The following APOM variants were observed in gnomAD, a reference collection of about 807,000 sequenced individuals.
APOM encodes the protein apolipoprotein M.
Under a neutral mutation model 23.5 loss-of-function variants are expected in APOM, and 24 were observed. That is an observed-to-expected ratio of 1.02 (90% CI 0.74 to 1.44). The LOEUF is 1.44. Among genes scored for constraint, APOM ranks in the 40% most tolerant of loss-of-function variants. The pLI, the probability that APOM is intolerant of heterozygous loss-of-function variation, is 0.00. For synonymous variants in APOM, 82 were observed against 84.1 expected (o/e 0.97, Z 0.14); for missense variants, 200 against 233.2 (o/e 0.86, Z 0.93).
upstream of APOM, among the ~76,000 whole-genome samples, chr6:31,654,571 G>A (rs74890500): frequency 0.018 from 2,769 of 152,196 alleles, 60 homozygotes; most frequent in African/African-American, 0.05. Context: ...CCTCCTACTC[G>A]GGAATCATCT....
chr6:31,653,013 T>TA (rs1798944455), upstream of APOM, among the ~76,000 whole-genome samples: 1 of 152,018 alleles, frequency 6.6e-6, no homozygotes, highest in East Asian at 1.9e-4. Flanking sequence ...TCAGTAGGCG[T>TA]TTGGGGGCGG....
rs1334323968 is a variant in APOM, at chr6:31,655,914, T to G, written c.-53T>G. ...AAAGCAGAGTGGACTGAGCAGCCAGTAGGGGAGAGAGCAGTTAAGGCACAC... is the reference window on the plus strand; with the variant it reads ...AAAGCAGAGTGGACTGAGCAGCCAGGAGGGGAGAGAGCAGTTAAGGCACAC... On this transcript the variant is annotated 5_prime_UTR_variant, in exon 1 of 6. Coordinates refer to ENST00000375916, the MANE Select transcript of APOM (RefSeq NM_019101.3). The G allele has an allele frequency of 4.0e-6, 5 of 1,255,234 alleles. No individual in the cohort carries two copies. In the South Asian group the frequency reaches 5.1e-5, roughly 13 times the overall value. The allele number at this position is 1,255,234 out of a possible 1,614,324, so 77.8% of individuals were successfully genotyped here.
At chr6:31,653,260 G>A (rs1673058125), upstream of APOM, among the ~76,000 whole-genome samples, 1 of 152,194 alleles carries the variant, frequency 6.6e-6, no homozygotes, top group Non-Finnish European at 1.5e-5. Flanking sequence ...GACCCTGACC[G>A]TGGGGAATTT....
At chr6:31,656,152 G>A in intron 1 of APOM, 72 bp downstream of exon 1, 1 of 1,223,760 alleles carries the variant, frequency 8.2e-7, no homozygotes, top group Non-Finnish European at 1.2e-6. Flanking sequence ...TAGGATGACT[G>A]GAGACCATCT....
intron 4 of APOM, 58 bp downstream of exon 4, chr6:31,657,536 T>C: frequency 6.2e-7 from 1 of 1,604,320 alleles, no homozygotes; most frequent in Non-Finnish European, 8.5e-7. Flanking sequence ...GCAGGAGAAC[T>C]CCTCACTCTG....
Position 31,657,208 on chromosome 6 carries a change from C to T in APOM, c.270-17C>T, listed in dbSNP as rs1800189931. 4.3e-6 allele frequency: 7 copies of T among 1,611,848 alleles called. No individual in the cohort carries two copies. Among genetic ancestry groups the T allele is most frequent in the Non-Finnish European group, 5.9e-6 (7 of 1,179,114 alleles). On this transcript the variant is annotated splice_polypyrimidine_tract_variant and intron_variant, in intron 2 of 5. Transcript: ENST00000375916. ...GTGATGCTCATTCTTTCCTCCTTGC[C>T]ACCACCACCTCTGCAGGAAAGATGG...
chr6:31,655,670 G>A (rs1226118285), upstream of APOM: 1 of 325,414 alleles, frequency 3.1e-6, no homozygotes, highest in African/African-American at 2.1e-5. Flanking sequence ...AACCAGCTCA[G>A]ATACAGGTTC....
At position 31,656,065 on chromosome 6, in the gene APOM, C is replaced by T. The variant is rs535853455; in HGVS notation, c.99C>T (p.Gly33=). 25 of 1,570,054 alleles carry T rather than the reference C, an allele frequency of 1.6e-5. No homozygotes were observed. The highest frequency in any genetic ancestry group is 1.3e-4 in the South Asian group (11 of 85,694). The change falls in exon 1 of 6, where the codon GGC becomes GGT. Residue 33 remains glycine (G), a synonymous_variant. Coordinates refer to ENST00000375916, the MANE Select transcript of APOM (RefSeq NM_019101.3). ...CPEHSQLTTL[G]VDGKEFPEVH... Reference sequence around the variant, plus strand: ...AGCACAGTCAACTGACAACTCTGGGCGTGGATGGGAAGGAGGTATGGACTG... The same window carrying T: ...AGCACAGTCAACTGACAACTCTGGGTGTGGATGGGAAGGAGGTATGGACTG...
chr6:31,657,180 G>A, intron 2 of APOM, 45 bp from the exon 3 acceptor site: 1 of 1,556,452 alleles, frequency 6.4e-7, no homozygotes, highest in Non-Finnish European at 8.8e-7. Flanking sequence ...CACTATGGTT[G>A]GGGTGATGCT....
intron 2 of APOM, among the ~76,000 whole-genome samples, 171 bp downstream of exon 2, chr6:31,656,797 G>C (rs937982727): frequency 6.6e-6 from 1 of 152,132 alleles, no homozygotes; most frequent in Non-Finnish European, 1.5e-5. Flanking sequence ...CCAATGCTTG[G>C]TAGCTTGAAA....
At chr6:31,657,954 C>G in intron 5 of APOM, 110 bp from the exon 6 acceptor site, 2 of 1,222,166 alleles carry the variant, frequency 1.6e-6, no homozygotes, top group Non-Finnish European at 2.4e-6. Flanking sequence ...AGAGACTCCC[C>G]TTTGACACAG....
intron 2 of APOM, 112 bp downstream of exon 2, chr6:31,656,738 C>T (rs1210417490): frequency 6.7e-6 from 9 of 1,346,708 alleles, no homozygotes; most frequent in Admixed American, 2.4e-5. Context: ...GCTTGGCCCA[C>T]GGAATTCAGT....
upstream of APOM, among the ~76,000 whole-genome samples, chr6:31,655,135 T>C (rs1360097445): frequency 6.6e-6 from 1 of 152,170 alleles, no homozygotes; most frequent in African/African-American, 2.4e-5. Flanking sequence ...GAGACAGAGT[T>C]TTGCCATGTA....
At chr6:31,653,685 T>A (rs1799365489), upstream of APOM, among the ~76,000 whole-genome samples, 1 of 152,118 alleles carries the variant, frequency 6.6e-6, no homozygotes, top group Non-Finnish European at 1.5e-5. Context: ...TGTTAACATT[T>A]TAGCTTATTT....
chr6:31,656,318 T>G (rs1316291946), intron 1 of APOM, among the ~76,000 whole-genome samples, 154 bp from the exon 2 acceptor site: 1 of 152,034 alleles, frequency 6.6e-6, no homozygotes, highest in East Asian at 1.9e-4. Flanking sequence ...GAAAAGTCAT[T>G]TAATGACTCT....
chr6:31,653,467 T>G (rs988667614), upstream of APOM, among the ~76,000 whole-genome samples: 2 of 152,238 alleles, frequency 1.3e-5, no homozygotes, highest in Non-Finnish European at 2.9e-5. Flanking sequence ...TATATTTTAG[T>G]TAAGAGTTCT....
rs1799991151 is a variant in APOM at position 31,655,919 on chromosome 6, G to A, written c.-48G>A. ...AGAGTGGACTGAGCAGCCAGTAGGGGAGAGAGCAGTTAAGGCACACAGAGC... is the reference window on the plus strand; with the variant it reads ...AGAGTGGACTGAGCAGCCAGTAGGGAAGAGAGCAGTTAAGGCACACAGAGC... On this transcript the variant is annotated 5_prime_UTR_variant, in exon 1 of 6. Transcript: ENST00000375916. 1 of 1,318,220 alleles carries A rather than the reference G, an allele frequency of 7.6e-7. No homozygotes were observed. The highest frequency in any genetic ancestry group is 1.1e-6 in the Non-Finnish European group (1 of 934,198). The allele number at this position is 1,318,220 out of a possible 1,614,324, so 81.7% of individuals were successfully genotyped here. A position where few individuals can be genotyped will look rare whatever the true frequency, so the allele number is the denominator to read the frequency against.
intron 2 of APOM, among the ~76,000 whole-genome samples, chr6:31,656,872 C>T (rs577192457): frequency 2.0e-5 from 3 of 152,138 alleles, no homozygotes; most frequent in Admixed American, 2.0e-4. Flanking sequence ...ACAGGCCAGA[C>T]GTGGTGGCTC....
rs771237500 is a variant in APOM, at chr6:31,657,624, G to C, written c.443-1G>C. On this transcript the variant is annotated splice_acceptor_variant, in intron 4 of 5. Transcript: ENST00000375916. LOFTEE classifies it high-confidence loss of function. ...GGCCTGACCCCACCTTGCCCTTCCA[G>C]ATCGCTCACCACATCCTCCCGAAAA... 2 of 1,612,888 alleles carry C rather than the reference G, an allele frequency of 1.2e-6. No homozygotes were observed. Among genetic ancestry groups the C allele is most frequent in the Admixed American group, 3.3e-5 (2 of 60,012 alleles).
Sources: gnomAD v4.1 joint callset for allele counts (sites outside exome capture counted in the v4.1 genomes callset) on GRCh38, gnomAD v4.1.1 for gene constraint, MANE v1.5 for transcripts, NCBI Gene and HGNC (gene_info 2026-07-23, HGNC 2026-07-21) for gene names.